Variants in ZCCHC7 observed in about 807,000 individuals in gnomAD.
ZCCHC7 encodes the protein zinc finger CCHC-type containing 7, also known as zinc finger CCHC domain-containing protein 7.
A neutral mutation model predicts 52.0 loss-of-function variants in ZCCHC7; 35 were observed. The observed-to-expected ratio is 0.67, with a 90% CI of 0.51 to 0.89. ZCCHC7 has a LOEUF of 0.89. ZCCHC7 is among the 40% of genes least tolerant of loss of function. The probability of loss-of-function intolerance (pLI) is 0.00; values close to 1 mark genes in which losing one functional copy is unlikely to be tolerated. For missense variants in ZCCHC7, 574 were observed against 649.1 expected (o/e 0.88, Z 1.26); for synonymous variants, 217 against 221.5 (o/e 0.98, Z 0.18).
intron 2 of ZCCHC7, among the ~76,000 whole-genome samples, chr9:37,224,992 TA>T (rs1825021780): frequency 6.6e-6 from 1 of 152,238 alleles, no homozygotes; most frequent in Admixed American, 6.5e-5. Context: ...GAAGAACATT[TA>T]AGCCAGACCA....
At chr9:37,352,509 C>CTTTTTT (rs1821437168) in intron 7 of ZCCHC7, among the ~76,000 whole-genome samples, 1 of 110,406 alleles carries the variant, frequency 9.1e-6, no homozygotes, top group African/African-American at 4.7e-5. Context: ...TCACAATTTG[C>CTTTTTT]TCTTTTTTTT....
Position 37,254,326 on chromosome 9 carries a change from A to C in ZCCHC7, c.611-47862A>C, listed in dbSNP as rs559007122. Among the ~76,000 whole-genome samples, 6 of 152,190 alleles carry C rather than the reference A, an allele frequency of 3.9e-5. No homozygotes were observed. The East Asian group carries it at 1.2e-3, about 29-fold the overall frequency. The stretch of plus-strand genomic sequence containing the variant: ...AGTTGGCTGACATAAGAAAAATGGT[A>C]ATCTTTAATGGGAAATTGCAGCCTT... On this transcript the variant is annotated intron_variant, in intron 2 of 8. Transcript: ENST00000336755.
chr9:37,199,666 GTCTTTC>G (rs1564174068), intron 2 of ZCCHC7, among the ~76,000 whole-genome samples: 1 of 122,754 alleles, frequency 8.1e-6, no homozygotes, highest in African/African-American at 3.4e-5. Context: ...CTGTCTGTCT[GTCTTTC>G]TCTCTGTCTG....
At chr9:37,303,323 G>C (rs982015258) in intron 3 of ZCCHC7, among the ~76,000 whole-genome samples, 1 of 151,940 alleles carries the variant, frequency 6.6e-6, no homozygotes, top group Non-Finnish European at 1.5e-5. Context: ...TACTCGGAAG[G>C]CTGAGGCAGG....
At chr9:37,156,390 A>G (rs906035160) in intron 2 of ZCCHC7, among the ~76,000 whole-genome samples, 24 of 152,118 alleles carry the variant, frequency 1.6e-4, no homozygotes, top group Non-Finnish European at 3.2e-4. Flanking sequence ...TTCATGATCT[A>G]TGTGTAAGTT....
intron 2 of ZCCHC7, among the ~76,000 whole-genome samples, chr9:37,136,746 G>T (rs921992447): frequency 6.6e-6 from 1 of 152,138 alleles, no homozygotes; most frequent in Non-Finnish European, 1.5e-5. Context: ...AAAGTGCTGG[G>T]ATTTACAGGT....
At chr9:37,289,835 C>T (rs1489908301) in intron 2 of ZCCHC7, among the ~76,000 whole-genome samples, 2 of 152,162 alleles carry the variant, frequency 1.3e-5, no homozygotes, top group African/African-American at 2.4e-5. Flanking sequence ...GTCTCCGGTT[C>T]CTTAAACACA....
chr9:37,305,850 T>G, intron 5 of ZCCHC7, 136 bp downstream of exon 5: 2 of 724,294 alleles, frequency 2.8e-6, no homozygotes, highest in Non-Finnish European at 4.0e-6. Flanking sequence ...TATATATATA[T>G]AGTCATGTCC....
intron 2 of ZCCHC7, among the ~76,000 whole-genome samples, chr9:37,274,495 A>G (rs1827589990): frequency 6.6e-6 from 1 of 151,848 alleles, no homozygotes; most frequent in Non-Finnish European, 1.5e-5. Context: ...GCGTGCCACC[A>G]TGCCCGGCTA....
intron 2 of ZCCHC7, among the ~76,000 whole-genome samples, chr9:37,228,568 A>G (rs988844547): frequency 2.6e-5 from 4 of 151,882 alleles, no homozygotes; most frequent in Admixed American, 6.6e-5. Context: ...CTGTAGAGAC[A>G]GCATTTCAGT....
intron 2 of ZCCHC7, among the ~76,000 whole-genome samples, chr9:37,216,412 C>T (rs987032520): frequency 2.0e-5 from 3 of 152,280 alleles, no homozygotes; most frequent in East Asian, 3.9e-4. Context: ...CGGTGGCTCA[C>T]GCCTGTAATC....
intron 2 of ZCCHC7, among the ~76,000 whole-genome samples, chr9:37,233,027 A>T (rs573915341): frequency 2.0e-5 from 3 of 152,330 alleles, no homozygotes; most frequent in African/African-American, 7.2e-5. Context: ...TAACATCGCC[A>T]TTCTATTTCA....
intron 2 of ZCCHC7, among the ~76,000 whole-genome samples, chr9:37,286,228 C>T (rs1249907627): frequency 6.6e-6 from 1 of 152,006 alleles, no homozygotes; most frequent in Non-Finnish European, 1.5e-5. Context: ...TGGGTTTGAG[C>T]CCTCTAGTCT....
At chr9:37,258,701 G>A (rs1455758689) in intron 2 of ZCCHC7, among the ~76,000 whole-genome samples, 7 of 138,986 alleles carry the variant, frequency 5.0e-5, no homozygotes, top group East Asian at 4.6e-4. Context: ...GCAGTGAGCC[G>A]TGATTGTTCG....
intron 2 of ZCCHC7, among the ~76,000 whole-genome samples, chr9:37,231,513 A>AT (rs979596637): frequency 2.0e-4 from 30 of 152,020 alleles, no homozygotes; most frequent in African/African-American, 7.2e-4. Context: ...TGTTTTGTAT[A>AT]TTTTTTTATT....
intron 2 of ZCCHC7, among the ~76,000 whole-genome samples, chr9:37,206,698 G>T (rs1470961017): frequency 6.6e-6 from 1 of 152,082 alleles, no homozygotes; most frequent in Non-Finnish European, 1.5e-5. Context: ...TCTGGAAATT[G>T]CAGCGACTTT....
intron 2 of ZCCHC7, among the ~76,000 whole-genome samples, chr9:37,159,599 G>T (rs930678012): frequency 1.3e-5 from 2 of 152,146 alleles, no homozygotes; most frequent in Admixed American, 6.5e-5. Flanking sequence ...AATGATTTTT[G>T]AGATTTTGGG....
At chr9:37,157,154 T>G (rs1249638626) in intron 2 of ZCCHC7, among the ~76,000 whole-genome samples, 1 of 150,882 alleles carries the variant, frequency 6.6e-6, no homozygotes, top group Non-Finnish European at 1.5e-5. Flanking sequence ...GACACCAGTC[T>G]GTACTAGTAG....
intron 2 of ZCCHC7, chr9:37,147,517 A>G (rs1236459480): frequency 6.6e-6 from 1 of 151,902 alleles, no homozygotes; most frequent in Non-Finnish European, 1.5e-5. Context: ...AAGAAAATAA[A>G]TGGAAGGTGA....
Sources: gnomAD v4.1 joint callset for allele counts (sites outside exome capture counted in the v4.1 genomes callset) on GRCh38, gnomAD v4.1.1 for gene constraint, MANE v1.5 for transcripts, NCBI Gene and HGNC (gene_info 2026-07-23, HGNC 2026-07-21) for gene names.